Variants in C2CD5 observed in about 807,000 individuals in gnomAD.
The protein encoded by C2CD5 is C2 calcium dependent domain containing 5.
A neutral mutation model predicts 130.3 loss-of-function variants in C2CD5; 109 were observed. The observed-to-expected ratio is 0.84, with a 90% CI of 0.72 to 0.98. The LOEUF is 0.98. Ranked by LOEUF, C2CD5 falls within the 50% of genes least tolerant of loss-of-function variation. The pLI is 0.00. For synonymous variants in C2CD5, 454 were observed against 429.2 expected, an observed-to-expected ratio of 1.06 and a Z score of -0.71; for missense variants, 996 against 1,261.8, an observed-to-expected ratio of 0.79 and a Z score of 3.19.
At chr12:22,523,689 A>G (rs1950469882) in intron 6 of C2CD5, 65 bp from the exon 7 acceptor site, 3 of 1,142,092 alleles carry the variant, frequency 2.6e-6, no homozygotes, top group East Asian at 2.4e-5. Context: ...AAGACTGGAC[A>G]TGGTAGTGGT....
chr12:22,524,697 C>G, intron 5 of C2CD5, 70 bp from the exon 6 acceptor site: 1 of 1,150,922 alleles, frequency 8.7e-7, no homozygotes, highest in South Asian at 1.3e-5. Flanking sequence ...ATGTACATCT[C>G]AATTTTCTGA....
chr12:22,460,057 CA>C (rs1940794798), intron 22 of C2CD5, among the ~76,000 whole-genome samples: 1 of 152,156 alleles, frequency 6.6e-6, no homozygotes, highest in South Asian at 2.1e-4. Context: ...ACTTCGATAT[CA>C]ACAGCTCCCT....
chr12:22,495,685 T>C (rs2136514168), intron 10 of C2CD5, among the ~76,000 whole-genome samples: 1 of 152,242 alleles, frequency 6.6e-6, no homozygotes, highest in East Asian at 1.9e-4. Context: ...CATTATTGTA[T>C]TTAATAAGTA....
At chr12:22,489,936 T>C (rs529990857) in intron 12 of C2CD5, among the ~76,000 whole-genome samples, 187 bp downstream of exon 12, 10 of 152,268 alleles carry the variant, frequency 6.6e-5, no homozygotes, top group East Asian at 1.9e-4. Flanking sequence ...GTGTGCCATA[T>C]AGTGCAGAAT....
Position 22,515,873 on chromosome 12 carries a change from G to A in C2CD5, c.952+2113C>T, listed in dbSNP as rs143614979. Among the ~76,000 whole-genome samples the A allele has an allele frequency of 6.8e-3, 1,038 of 151,802 alleles. 17 individuals are homozygous for A. The highest frequency in any genetic ancestry group is 0.024 in the African/African-American group (988 of 41,480). ...GCTAAAAAAAATTAGCTAAAATCAG[G>A]TGTCAAATCAATATTCTAACACTAG... is the stretch of plus-strand genomic sequence containing the variant. On this transcript the variant is annotated intron_variant, in intron 8 of 26. Transcript: ENST00000446597.
chr12:22,465,429 T>C (rs1388160348), intron 22 of C2CD5, among the ~76,000 whole-genome samples: 1 of 152,170 alleles, frequency 6.6e-6, no homozygotes, highest in South Asian at 2.1e-4. Flanking sequence ...AAGTAGTATA[T>C]GATTTATACA....
intron 8 of C2CD5, among the ~76,000 whole-genome samples, chr12:22,517,164 A>G (rs1055225515): frequency 1.1e-4 from 17 of 152,062 alleles, no homozygotes; most frequent in African/African-American, 3.6e-4. Context: ...TAGGGCTACT[A>G]AAAATATTAA....
At chr12:22,492,051 C>T (rs1298854401) in intron 11 of C2CD5, among the ~76,000 whole-genome samples, 1 of 152,076 alleles carries the variant, frequency 6.6e-6, no homozygotes, top group Non-Finnish European at 1.5e-5. Flanking sequence ...AGGAGTATAA[C>T]ACATGATCTG....
At chr12:22,498,279 G>T (rs1041443572) in intron 10 of C2CD5, among the ~76,000 whole-genome samples, 2 of 152,000 alleles carry the variant, frequency 1.3e-5, no homozygotes, top group African/African-American at 4.8e-5. Flanking sequence ...TGTACAGGAC[G>T]TCTGCCTGGC....
intron 24 of C2CD5, among the ~76,000 whole-genome samples, 177 bp from the exon 25 acceptor site, chr12:22,457,338 T>C (rs1205418153): frequency 6.6e-6 from 1 of 151,936 alleles, no homozygotes; most frequent in Non-Finnish European, 1.5e-5. Flanking sequence ...CAGAAAAACA[T>C]GAGAGGAAAT....
At chr12:22,520,041 T>C (rs1950131550) in intron 7 of C2CD5, among the ~76,000 whole-genome samples, 1 of 152,144 alleles carries the variant, frequency 6.6e-6, no homozygotes, top group Non-Finnish European at 1.5e-5. Context: ...AGAGCAGTTA[T>C]ACAAGTATAT....
At chr12:22,489,891 T>A (rs1346765116) in intron 12 of C2CD5, among the ~76,000 whole-genome samples, 1 of 152,152 alleles carries the variant, frequency 6.6e-6, no homozygotes, top group South Asian at 2.1e-4. Flanking sequence ...CTGGTAATCA[T>A]ACATGTCACT....
chr12:22,526,840 G>T (rs1591992481), intron 4 of C2CD5, among the ~76,000 whole-genome samples: 1 of 152,232 alleles, frequency 6.6e-6, no homozygotes, highest in East Asian at 1.9e-4. Flanking sequence ...TCATACTTAT[G>T]GTGGAAGACT....
In C2CD5 at chr12:22,472,815, T is replaced by A; in HGVS notation, c.2044-8A>T. On this transcript the variant is annotated splice_region_variant and splice_polypyrimidine_tract_variant and intron_variant, in intron 16 of 26. Coordinates refer to ENST00000446597, the MANE Select transcript of C2CD5 (RefSeq NM_001286176.2). ...GGCATCTGTGTCATCAATCTTAAAA[T>A]AGAGATTAAAACTATTTTATAAGTA... is the stretch of plus-strand genomic sequence containing the variant. The A allele has an allele frequency of 2.7e-6, 4 of 1,473,214 alleles. No homozygotes were observed. Among genetic ancestry groups the A allele is most frequent in the Non-Finnish European group, 3.8e-6 (4 of 1,052,406 alleles). The allele number at this position is 1,473,214 out of a possible 1,614,324, so 91.3% of individuals were successfully genotyped here.
intron 15 of C2CD5, among the ~76,000 whole-genome samples, chr12:22,476,736 C>T (rs1458725087): frequency 4.6e-5 from 7 of 152,026 alleles, no homozygotes; most frequent in African/African-American, 1.4e-4. Flanking sequence ...AGAGTCCATT[C>T]TTCCTGTTAG....
At position 22,527,836 on chromosome 12, in the gene C2CD5, A is replaced by G; in HGVS notation, c.234T>C (p.Asp78=). Residue 78 remains aspartate (D), a synonymous_variant, in exon 4 of 27, where the codon GAT becomes GAC. Transcript: ENST00000446597. ...CAATGGCATCATTTGCACTGTAAGT[A>G]TCATGGTCAAGAACTGTGATCTGTA... The part of the protein sequence containing the change: ...EPLQITVLDH[D]TYSANDAIGK... 1 of 1,611,804 alleles carries G rather than the reference A, an allele frequency of 6.2e-7. No individual in the cohort carries two copies. The highest frequency in any genetic ancestry group is 8.5e-7 in the Non-Finnish European group (1 of 1,178,264).
At position 22,454,051 on chromosome 12, in the gene C2CD5, T is replaced by C. The variant is rs2135961153; in HGVS notation, c.2878-9A>G. On this transcript the variant is annotated splice_polypyrimidine_tract_variant and intron_variant, in intron 25 of 26. Transcript: ENST00000446597. ...CCACTGACTCCTCCTTCCTAAATAA[T>C]AGTGCACAGGAAAATCATACTATAT... The C allele has an allele frequency of 1.2e-6, 2 of 1,610,794 alleles. No homozygotes were observed. Among genetic ancestry groups the C allele is most frequent in the Non-Finnish European group, 1.7e-6 (2 of 1,177,390 alleles).
At chr12:22,507,506 T>C (rs964304539) in intron 9 of C2CD5, among the ~76,000 whole-genome samples, 4 of 152,236 alleles carry the variant, frequency 2.6e-5, no homozygotes, top group African/African-American at 7.2e-5. Flanking sequence ...GCAAGCTTTA[T>C]TCTATCCTTC....
At chr12:22,512,652 T>C in intron 9 of C2CD5, 1 of 1,492,050 alleles carries the variant, frequency 6.7e-7, no homozygotes, top group Non-Finnish European at 8.9e-7. Flanking sequence ...CATACCCGCC[T>C]TCTACAGAAC....
Sources: gnomAD v4.1 joint callset for allele counts (sites outside exome capture counted in the v4.1 genomes callset) on GRCh38, gnomAD v4.1.1 for gene constraint, MANE v1.5 for transcripts, NCBI Gene and HGNC (gene_info 2026-07-23, HGNC 2026-07-21) for gene names.